BANP: variants seen among roughly 807,000 people sequenced by gnomAD.
BANP encodes protein BANP.
Under a neutral mutation model 68.1 loss-of-function variants are expected in BANP, and 11 were observed. That is an observed-to-expected ratio of 0.16 (90% CI 0.10 to 0.27). The LOEUF is 0.27. Ranked by LOEUF, BANP falls within the 10% of genes least tolerant of loss-of-function variation. The pLI is 1.00. For synonymous variants in BANP, 329 were observed against 303.2 expected (o/e 1.09, Z -0.88); for missense variants, 504 against 722.7 (o/e 0.70, Z 3.47).
intron 1 of BANP, 69 bp from the exon 2 acceptor site, chr16:87,974,979 G>A (rs1440528898): frequency 2.8e-5 from 20 of 721,694 alleles, no homozygotes; most frequent in African/African-American, 1.6e-4. Flanking sequence ...TGCTCGGCTC[G>A]TGGTTTTCAT....
intron 1 of BANP, chr16:87,952,270 G>T (rs970895578): frequency 5.3e-5 from 8 of 152,310 alleles, no homozygotes; most frequent in Admixed American, 4.6e-4. Context: ...TCACTGATGA[G>T]ATGGTAGGGG....
intron 11 of BANP, among the ~76,000 whole-genome samples, chr16:88,046,825 A>G (rs1486302653): frequency 2.0e-5 from 3 of 152,048 alleles, no homozygotes; most frequent in Admixed American, 2.0e-4. Context: ...CCAGCACTTT[A>G]GGAGGCCGAG....
intron 3 of BANP, among the ~76,000 whole-genome samples, chr16:87,981,555 C>G (rs1598061121): frequency 1.3e-5 from 2 of 152,300 alleles, no homozygotes; most frequent in African/African-American, 4.8e-5. Flanking sequence ...CCAAAGAGAC[C>G]ACATGGGTAG....
At chr16:88,065,405 C>A (rs551623031) in intron 12 of BANP, 73 bp downstream of exon 12, 1 of 682,716 alleles carries the variant, frequency 1.5e-6, no homozygotes. Context: ...AAGACCCCCG[C>A]GATGACACTG....
At chr16:88,046,981 G>C (rs915682740) in intron 11 of BANP, among the ~76,000 whole-genome samples, 1 of 152,004 alleles carries the variant, frequency 6.6e-6, no homozygotes, top group Non-Finnish European at 1.5e-5. Flanking sequence ...CAAGAGAATG[G>C]TGTGGACCCG....
intron 2 of BANP, among the ~76,000 whole-genome samples, chr16:87,977,750 G>A (rs903186835): frequency 1.3e-5 from 2 of 152,182 alleles, no homozygotes; most frequent in Non-Finnish European, 2.9e-5. Context: ...GACTTGGCGT[G>A]TACCAACTAT....
chr16:88,004,534 G>A lies in BANP; in HGVS notation c.479+123G>A, dbSNP rs1383912155. The A allele has an allele frequency of 1.6e-6, 1 of 622,964 alleles. No individual in the cohort carries two copies. The highest frequency in any genetic ancestry group is 2.7e-6 in the Non-Finnish European group (1 of 366,448). 38.6% of individuals were successfully genotyped at this position (622,964 alleles called of 1,614,324 possible). On this transcript the variant is annotated intron_variant, in intron 5 of 13. Coordinates refer to ENST00000682872, the MANE Select transcript of BANP (RefSeq NM_001386991.1). This position sits in a 1 kb window ranked among gnomAD's most constrained non-coding sequence, Gnocchi z 7.0. ...GCTTCATCTCTGTGGTCACAGGGTTGAGCCTGGCAGGCACCGCCCCAGCTC... is the reference window on the plus strand; with the variant it reads ...GCTTCATCTCTGTGGTCACAGGGTTAAGCCTGGCAGGCACCGCCCCAGCTC...
At position 88,072,883 on chromosome 16, in the gene BANP, G is replaced by A. The variant is rs113112928; in HGVS notation, c.1521+671G>A. Among the ~76,000 whole-genome samples the A allele has an allele frequency of 3.8e-4, 58 of 152,326 alleles. 1 individual carries two copies. The highest frequency in any genetic ancestry group is 1.1e-3 in the African/African-American group (47 of 41,590). ...CACCTGCTTTGGGAACGTGCCCAGCGGGGACGTTGTCCTTGTTCTACCTCC... is the reference window on the plus strand; with the variant it reads ...CACCTGCTTTGGGAACGTGCCCAGCAGGGACGTTGTCCTTGTTCTACCTCC... On this transcript the variant is annotated intron_variant, in intron 13 of 13. Transcript: ENST00000682872.
rs561812427 is a variant in BANP at position 88,004,681 on chromosome 16, G to C, written c.479+270G>C. ...CGGGGTTGTGGAGGGGGCTGGCTCT[G>C]TCTCCTCACAGCAGTCTGTGAAAGC... On this transcript the variant is annotated intron_variant, in intron 5 of 13. Transcript: ENST00000682872. This position sits in a 1 kb window ranked among gnomAD's most constrained non-coding sequence, Gnocchi z 7.0. Among the ~76,000 whole-genome samples the C allele has an allele frequency of 6.6e-6, 1 of 152,270 alleles. No homozygotes were observed. The highest frequency in any genetic ancestry group is 2.1e-4 in the South Asian group (1 of 4,822).
intron 11 of BANP, among the ~76,000 whole-genome samples, chr16:88,051,289 G>A (rs66722335): frequency 6.6e-6 from 1 of 152,202 alleles, no homozygotes; most frequent in African/African-American, 2.4e-5. Context: ...AATCTTGAAT[G>A]TGAAAAGATT....
At chr16:87,959,145 C>G (rs1000257696) in intron 1 of BANP, among the ~76,000 whole-genome samples, 1 of 152,220 alleles carries the variant, frequency 6.6e-6, no homozygotes, top group African/African-American at 2.4e-5. Flanking sequence ...GTAAGTGTTT[C>G]TGGCCTTGTG....
Position 88,006,576 on chromosome 16 carries a change from G to A in BANP, c.655+311G>A, listed in dbSNP as rs542814275. Among the ~76,000 whole-genome samples, 967 of 151,556 alleles carry A rather than the reference G, an allele frequency of 6.4e-3. 7 individuals are homozygous for A. Among genetic ancestry groups the A allele is most frequent in the African/African-American group, 0.022 (891 of 41,234 alleles). ...CAGGAGAATCGCTTGAGCCTGGGAG[G>A]TGGAGGTTGCGGTGAACCGAGATCA... On this transcript the variant is annotated intron_variant, in intron 6 of 13. Coordinates refer to ENST00000682872, the MANE Select transcript of BANP (RefSeq NM_001386991.1).
At chr16:87,961,073 C>T (rs796935243) in intron 1 of BANP, among the ~76,000 whole-genome samples, 3 of 152,240 alleles carry the variant, frequency 2.0e-5, no homozygotes, top group Admixed American at 6.5e-5. Flanking sequence ...TCCAGATGGT[C>T]GATGCGGGAT....
chr16:88,072,493 C>G (rs1027600119), intron 13 of BANP, among the ~76,000 whole-genome samples: 2 of 152,258 alleles, frequency 1.3e-5, no homozygotes, highest in Non-Finnish European at 1.5e-5. Flanking sequence ...CTGCCCTGTC[C>G]TCCCTCCACA....
intron 7 of BANP, among the ~76,000 whole-genome samples, chr16:88,026,616 A>G (rs1440318537): frequency 1.3e-5 from 2 of 152,212 alleles, no homozygotes; most frequent in African/African-American, 4.8e-5. Context: ...CCAGGGGAAC[A>G]GAGTAACAAT....
At chr16:88,015,334 C>A (rs555033626) in intron 6 of BANP, among the ~76,000 whole-genome samples, 2 of 151,550 alleles carry the variant, frequency 1.3e-5, no homozygotes, top group South Asian at 4.2e-4. Flanking sequence ...GCCCTCTGCC[C>A]GTCCCTCTGC....
intron 4 of BANP, among the ~76,000 whole-genome samples, chr16:87,991,634 A>G (rs1219133476): frequency 6.6e-6 from 1 of 152,228 alleles, no homozygotes. Flanking sequence ...ATCTCTGAGT[A>G]CTTCATACTT....
intron 4 of BANP, among the ~76,000 whole-genome samples, chr16:87,985,554 AAATAT>A (rs1481704748): frequency 2.0e-5 from 3 of 152,204 alleles, no homozygotes; most frequent in Admixed American, 6.5e-5. Context: ...AGTTCTTAGA[AAATAT>A]AATTTATGTT....
Position 88,076,596 on chromosome 16 carries a change from G to A in BANP, c.1528G>A (p.Glu510Lys), listed in dbSNP as rs369656076. The change falls in exon 14 of 14, where the codon GAA (glutamate) becomes AAA (lysine). Residue 510 changes from glutamate to lysine, a missense_variant. Transcript: ENST00000682872. Reference sequence around the variant, plus strand: ...TCCTTTCTCCCTTTTGCAGACGGCCGAAGCCCTGCAGCCCACGCTACAGCC... The same window carrying A: ...TCCTTTCTCCCTTTTGCAGACGGCCAAAGCCCTGCAGCCCACGCTACAGCC... Reference protein sequence around the residue: ...SDHTAGAQTAEALQPTLQPEM... With the variant: ...SDHTAGAQTAKALQPTLQPEM... The A allele has an allele frequency of 1.2e-6, 2 of 1,612,466 alleles. No homozygotes were observed. Among genetic ancestry groups the A allele is most frequent in the South Asian group, 1.1e-5 (1 of 91,066 alleles).
Sources: allele counts gnomAD v4.1 joint callset (sites outside exome capture counted in the v4.1 genomes callset), GRCh38; gene constraint gnomAD v4.1.1; non-coding constraint Gnocchi (gnomAD v3.1); transcripts MANE v1.5; gene names NCBI Gene and HGNC (gene_info 2026-07-23, HGNC 2026-07-21).